DPYD: variants seen among roughly 807,000 people sequenced by gnomAD.
DPYD encodes dihydropyrimidine dehydrogenase, also known as dihydropyrimidine dehydrogenase [NADP(+)].
Under a neutral mutation model 116.2 loss-of-function variants are expected in DPYD, and 109 were observed. The ratio of observed to expected loss-of-function variants is 0.94; its 90% confidence interval spans 0.80 to 1.10. The LOEUF (loss-of-function observed/expected upper bound fraction) is 1.10. DPYD is among the 50% of genes least tolerant of loss of function. The pLI is 0.00. For synonymous variants in DPYD, 440 were observed against 432.0 expected (o/e 1.02, Z -0.23); for missense variants, 1,302 against 1,254.5 (o/e 1.04, Z -0.57).
chr1:97,751,429 C>CGT lies in DPYD; in HGVS notation c.234-10952_234-10951dup, dbSNP rs564067118. ...ATATACGTGTATATATATATGTATACGTGTGTGTGTGTGTGTGTGTGTGTG... is the reference window on the plus strand; with the variant it reads ...ATATACGTGTATATATATATGTATACGTGTGTGTGTGTGTGTGTGTGTGTGTG... On this transcript the variant is annotated intron_variant, in intron 3 of 22. Transcript: ENST00000370192. 7.5e-3 allele frequency among the ~76,000 whole-genome samples: 400 copies of CGT among 53,030 alleles called. 26 individuals carry two copies. The highest frequency in any genetic ancestry group is 0.012 in the East Asian group (10 of 830). 34.8% of individuals were successfully genotyped at this position (53,030 alleles called of 152,430 possible).
intron 2 of DPYD, among the ~76,000 whole-genome samples, chr1:97,868,765 T>C (rs1671518294): frequency 6.6e-6 from 1 of 151,812 alleles, no homozygotes; most frequent in Non-Finnish European, 1.5e-5. Context: ...TATACCCTAC[T>C]GCCTCACACA....
chr1:97,863,204 C>T (rs1558016109), intron 2 of DPYD, among the ~76,000 whole-genome samples: 1 of 151,786 alleles, frequency 6.6e-6, no homozygotes, highest in African/African-American at 2.4e-5. Flanking sequence ...TCAGAGGTTA[C>T]CCTCCCCTTT....
At chr1:97,625,775 G>A (rs1656891891) in intron 8 of DPYD, among the ~76,000 whole-genome samples, 3 of 151,906 alleles carry the variant, frequency 2.0e-5, no homozygotes, top group Admixed American at 1.3e-4. Context: ...CTCCAGAACT[G>A]TGAGAAAATA....
chr1:97,253,497 G>A (rs2100819638), intron 18 of DPYD, among the ~76,000 whole-genome samples: 1 of 152,280 alleles, frequency 6.6e-6, no homozygotes, highest in South Asian at 2.1e-4. Context: ...CTTTGTGAGA[G>A]CTAAGGTTTT....
intron 11 of DPYD, among the ~76,000 whole-genome samples, chr1:97,555,029 T>G (rs1003628881): frequency 2.6e-5 from 4 of 152,188 alleles, no homozygotes; most frequent in African/African-American, 9.6e-5. Flanking sequence ...ATACTTGGAC[T>G]GCTTACTTGT....
At chr1:97,588,890 A>T (rs760212996) in intron 10 of DPYD, among the ~76,000 whole-genome samples, 2 of 152,204 alleles carry the variant, frequency 1.3e-5, no homozygotes, top group Non-Finnish European at 2.9e-5. Flanking sequence ...GCCAAGATGG[A>T]AAGTACCTCC....
chr1:97,545,393 T>C (rs17368985), intron 12 of DPYD, among the ~76,000 whole-genome samples: 10,717 of 152,200 alleles, frequency 0.07, 506 homozygotes, highest in Middle Eastern at 0.14. Context: ...CAAATCAATG[T>C]TGAAATTTTA....
At chr1:97,731,026 A>T (rs1663575200) in intron 4 of DPYD, among the ~76,000 whole-genome samples, 1 of 151,974 alleles carries the variant, frequency 6.6e-6, no homozygotes, top group Non-Finnish European at 1.5e-5. Context: ...ATTAATGTGA[A>T]ATATATATAT....
At chr1:97,242,308 A>G (rs952920567) in intron 18 of DPYD, among the ~76,000 whole-genome samples, 15 of 150,774 alleles carry the variant, frequency 9.9e-5, no homozygotes, top group African/African-American at 3.4e-4. Context: ...TAGTTACTCT[A>G]TTAAATAAAT....
At chr1:97,183,103 C>A (rs373135747) in intron 20 of DPYD, among the ~76,000 whole-genome samples, 25,726 of 151,744 alleles carry the variant, frequency 0.17, 2,639 homozygotes, top group Middle Eastern at 0.27. Context: ...GACATTTTTC[C>A]TTTCCCCAAG....
At chr1:97,148,134 C>T (rs531533216) in intron 20 of DPYD, among the ~76,000 whole-genome samples, 1 of 152,108 alleles carries the variant, frequency 6.6e-6, no homozygotes, top group South Asian at 2.1e-4. Context: ...CTTAAGCTGT[C>T]ATGCATGACA....
chr1:97,620,614 G>C (rs560373827), intron 8 of DPYD, among the ~76,000 whole-genome samples: 1 of 152,122 alleles, frequency 6.6e-6, no homozygotes, highest in African/African-American at 2.4e-5. Context: ...ATTTATTTCA[G>C]TGAAGTTTCA....
At chr1:97,577,910 AT>A (rs1167339630) in intron 10 of DPYD, among the ~76,000 whole-genome samples, 1 of 151,984 alleles carries the variant, frequency 6.6e-6, no homozygotes, top group Non-Finnish European at 1.5e-5. Flanking sequence ...TAGTGGCAAG[AT>A]CTCAGCTCAC....
chr1:97,434,573 A>G (rs1356726633), intron 14 of DPYD, among the ~76,000 whole-genome samples: 1 of 152,038 alleles, frequency 6.6e-6, no homozygotes, highest in East Asian at 1.9e-4. Context: ...TGAATTATCT[A>G]GGTCTTTGAT....
chr1:97,215,312 T>TCA (rs1660304857), intron 19 of DPYD, among the ~76,000 whole-genome samples: 1 of 152,174 alleles, frequency 6.6e-6, no homozygotes, highest in Non-Finnish European at 1.5e-5. Context: ...TTCATTTGGG[T>TCA]TGAAGCATTC....
intron 20 of DPYD, among the ~76,000 whole-genome samples, chr1:97,189,230 G>A (rs1287012725): frequency 2.0e-5 from 3 of 152,132 alleles, no homozygotes; most frequent in Non-Finnish European, 4.4e-5. Flanking sequence ...ATGTGATACT[G>A]GTTACAGCCA....
At chr1:97,510,939 G>A (rs540555208) in intron 13 of DPYD, among the ~76,000 whole-genome samples, 108 of 151,982 alleles carry the variant, frequency 7.1e-4, no homozygotes, top group Non-Finnish European at 9.3e-4. Context: ...TGAAGAGATA[G>A]AGAGAAAAGC....
chr1:97,871,698 G>A (rs756845194), intron 2 of DPYD, among the ~76,000 whole-genome samples: 2 of 151,430 alleles, frequency 1.3e-5, no homozygotes, highest in Non-Finnish European at 2.9e-5. Context: ...TGTTTCTGTA[G>A]AAATATGCTA....
intron 16 of DPYD, among the ~76,000 whole-genome samples, chr1:97,370,572 C>A (rs1671265576): frequency 6.6e-6 from 1 of 152,162 alleles, no homozygotes; most frequent in Non-Finnish European, 1.5e-5. Context: ...TATCCCAGAA[C>A]TTAAAGCAAA....
Sources: allele counts gnomAD v4.1 joint callset (sites outside exome capture counted in the v4.1 genomes callset), GRCh38; gene constraint gnomAD v4.1.1; transcripts MANE v1.5; gene names NCBI Gene and HGNC (gene_info 2026-07-23, HGNC 2026-07-21).